The following EXOC6 variants were observed in gnomAD, a reference collection of about 807,000 sequenced individuals.
The protein encoded by EXOC6 is SEC15-like 1.
EXOC6 carries 60 observed loss-of-function variants against 112.5 expected under a neutral mutation model. That is an observed-to-expected ratio of 0.53 (90% CI 0.43 to 0.66). The LOEUF (loss-of-function observed/expected upper bound fraction) is 0.66. Ranked by LOEUF, EXOC6 falls within the 30% of genes least tolerant of loss-of-function variation. The pLI, the probability that EXOC6 is intolerant of heterozygous loss-of-function variation, is 0.00. For synonymous variants in EXOC6, 295 were observed against 308.0 expected, an observed-to-expected ratio of 0.96 and a Z score of 0.44; for missense variants, 855 against 957.1, an observed-to-expected ratio of 0.89 and a Z score of 1.41.
chr10:93,014,062 A>G (rs1190800513), intron 19 of EXOC6, 132 bp from the exon 20 acceptor site: 3 of 679,398 alleles, frequency 4.4e-6, no homozygotes, highest in Non-Finnish European at 7.3e-6. Context: ...AAGTTTATAA[A>G]TAATCTTCAT....
intron 19 of EXOC6, among the ~76,000 whole-genome samples, chr10:93,007,479 C>T (rs1002199443): frequency 1.3e-5 from 2 of 151,840 alleles, no homozygotes; most frequent in Admixed American, 1.3e-4. Context: ...GATGAAACCC[C>T]GTCTCTATTA....
intron 11 of EXOC6, 66 bp downstream of exon 11, chr10:92,934,496 A>G (rs1445628087): frequency 2.2e-6 from 3 of 1,361,940 alleles, no homozygotes; most frequent in African/African-American, 1.5e-5. Context: ...TGAGCTGCAT[A>G]ATGTCAGAGG....
chr10:93,038,595 C>G (rs1194257793), intron 20 of EXOC6, among the ~76,000 whole-genome samples: 1 of 152,170 alleles, frequency 6.6e-6, no homozygotes, highest in African/African-American at 2.4e-5. Flanking sequence ...GAGTTCTAGA[C>G]TCAAGCAATA....
intron 19 of EXOC6, among the ~76,000 whole-genome samples, chr10:93,009,283 C>T (rs977135072): frequency 6.6e-6 from 1 of 152,142 alleles, no homozygotes; most frequent in African/African-American, 2.4e-5. Context: ...GCAGAACATT[C>T]TCTTGGACAG....
At chr10:92,941,148 C>G (rs1000277968) in intron 13 of EXOC6, among the ~76,000 whole-genome samples, 1 of 152,180 alleles carries the variant, frequency 6.6e-6, no homozygotes, top group Admixed American at 6.6e-5. Context: ...TTTGACTGCT[C>G]TAGGTACCTC....
At chr10:92,893,623 A>G (rs1021667627) in intron 2 of EXOC6, 103 bp downstream of exon 2, 41 of 961,860 alleles carry the variant, frequency 4.3e-5, no homozygotes, top group Non-Finnish European at 6.2e-5. Context: ...GTTACTTTCA[A>G]GAAGTGAATT....
intron 1 of EXOC6, among the ~76,000 whole-genome samples, chr10:92,855,015 CTT>C (rs1847532582): frequency 6.6e-6 from 1 of 152,124 alleles, no homozygotes; most frequent in Non-Finnish European, 1.5e-5. Flanking sequence ...GTATAATCCT[CTT>C]TAATATACTG....
intron 20 of EXOC6, among the ~76,000 whole-genome samples, chr10:93,020,980 C>T (rs967511446): frequency 3.3e-5 from 5 of 151,540 alleles, no homozygotes; most frequent in East Asian, 2.0e-4. Context: ...AAACGGTTAC[C>T]TCTGGTTCCT....
intron 1 of EXOC6, among the ~76,000 whole-genome samples, chr10:92,865,817 A>G (rs933378130): frequency 1.3e-5 from 2 of 152,090 alleles, no homozygotes; most frequent in Admixed American, 6.5e-5. Flanking sequence ...CATGTTTTCT[A>G]TGTTATGTTT....
At chr10:92,896,992 T>C (rs1341994244) in intron 4 of EXOC6, among the ~76,000 whole-genome samples, 1 of 152,216 alleles carries the variant, frequency 6.6e-6, no homozygotes, top group Non-Finnish European at 1.5e-5. Context: ...ATGTTAAGTT[T>C]CAGGGTTGAG....
chr10:92,966,788 C>T (rs1347103235), intron 17 of EXOC6, among the ~76,000 whole-genome samples: 4 of 148,844 alleles, frequency 2.7e-5, no homozygotes, highest in South Asian at 4.4e-4. Context: ...ATTTATAGTC[C>T]TTTGGGTATA....
intron 17 of EXOC6, among the ~76,000 whole-genome samples, chr10:92,956,237 A>G (rs890255418): frequency 3.3e-5 from 5 of 152,078 alleles, no homozygotes; most frequent in Non-Finnish European, 7.4e-5. Context: ...GTAAGATTAA[A>G]CAATTTCATA....
intron 1 of EXOC6, among the ~76,000 whole-genome samples, chr10:92,876,125 A>G (rs1848677372): frequency 6.6e-6 from 1 of 152,198 alleles, no homozygotes; most frequent in Non-Finnish European, 1.5e-5. Flanking sequence ...TTAATATTTT[A>G]AAGTACATAT....
At chr10:93,050,417 G>T (rs942750034) in intron 20 of EXOC6, among the ~76,000 whole-genome samples, 1 of 151,788 alleles carries the variant, frequency 6.6e-6, no homozygotes, top group African/African-American at 2.4e-5. Context: ...CGGGCGTGGT[G>T]GTATGTGCCT....
At chr10:93,020,159 C>A (rs1844717624) in intron 20 of EXOC6, among the ~76,000 whole-genome samples, 1 of 151,988 alleles carries the variant, frequency 6.6e-6, no homozygotes, top group Admixed American at 6.6e-5. Flanking sequence ...TATTATTTGC[C>A]TGCAATTTAG....
chr10:92,986,190 T>A lies in EXOC6; in HGVS notation c.1954-11284T>A, dbSNP rs1842999759. Among the ~76,000 whole-genome samples, 5 of 152,312 alleles carry A rather than the reference T, an allele frequency of 3.3e-5. No homozygotes were observed. The South Asian group carries it at 1.0e-3, about 32-fold the overall frequency. On this transcript the variant is annotated intron_variant, in intron 18 of 21. Coordinates refer to ENST00000260762, the MANE Select transcript of EXOC6 (RefSeq NM_019053.6). Reference sequence around the variant, plus strand: ...TGTTGACTGACTTTTATTGACTAGGTTACTAAATTTTATCTGAATTTCATC... The same window carrying A: ...TGTTGACTGACTTTTATTGACTAGGATACTAAATTTTATCTGAATTTCATC...
intron 18 of EXOC6, among the ~76,000 whole-genome samples, chr10:92,979,026 T>C (rs1475060174): frequency 2.0e-5 from 3 of 152,238 alleles, no homozygotes; most frequent in South Asian, 2.1e-4. Flanking sequence ...GGAGATTTTC[T>C]GGGATAGAGG....
intron 18 of EXOC6, among the ~76,000 whole-genome samples, chr10:92,975,810 C>T (rs1240096431): frequency 7.3e-6 from 1 of 136,842 alleles, no homozygotes; most frequent in East Asian, 2.3e-4. Flanking sequence ...AGCCCCCGCG[C>T]CCGGCCAGCC....
At chr10:92,895,902 T>G (rs1849725709) in intron 4 of EXOC6, among the ~76,000 whole-genome samples, 1 of 146,390 alleles carries the variant, frequency 6.8e-6, no homozygotes, top group Non-Finnish European at 1.5e-5. Context: ...TGAATCCATC[T>G]TTTGTCCCAT....
Sources: allele counts gnomAD v4.1 joint callset (sites outside exome capture counted in the v4.1 genomes callset), GRCh38; gene constraint gnomAD v4.1.1; transcripts MANE v1.5; gene names NCBI Gene and HGNC (gene_info 2026-07-23, HGNC 2026-07-21).